The following AGBL1 variants were observed in gnomAD, a reference collection of about 807,000 sequenced individuals.
AGBL1 encodes cytosolic carboxypeptidase 4.
Under a neutral mutation model 118.9 loss-of-function variants are expected in AGBL1, and 130 were observed. That is an observed-to-expected ratio of 1.09 (90% CI 0.95 to 1.26). AGBL1 has a LOEUF of 1.26. AGBL1 is among the 50% of genes most tolerant of loss of function. AGBL1 has a pLI of 0.00. For synonymous variants in AGBL1, 555 were observed against 478.9 expected (o/e 1.16, Z -2.08); for missense variants, 1,584 against 1,298.1 (o/e 1.22, Z -3.38).
intron 22 of AGBL1, among the ~76,000 whole-genome samples, chr15:86,902,286 TA>T (rs1483899219): frequency 1.3e-5 from 2 of 152,174 alleles, no homozygotes; most frequent in African/African-American, 4.8e-5. Flanking sequence ...ATGACTATTT[TA>T]AAATTGTATT....
intron 6 of AGBL1, among the ~76,000 whole-genome samples, chr15:86,229,829 A>C (rs952983390): frequency 2.6e-5 from 4 of 152,210 alleles, no homozygotes; most frequent in African/African-American, 9.6e-5. Context: ...CTTAGTATTA[A>C]CCTTGCTGTC....
chr15:86,733,344 G>C (rs948266705), intron 22 of AGBL1, among the ~76,000 whole-genome samples: 2 of 152,076 alleles, frequency 1.3e-5, no homozygotes, highest in Non-Finnish European at 2.9e-5. Flanking sequence ...GCCCTCAACA[G>C]ATTGTATGAT....
chr15:86,209,077 A>G (rs2078046274), intron 5 of AGBL1, among the ~76,000 whole-genome samples: 1 of 152,158 alleles, frequency 6.6e-6, no homozygotes, highest in Non-Finnish European at 1.5e-5. Flanking sequence ...TTATGTACCC[A>G]GTAGTCATTC....
At chr15:86,652,982 T>G (rs1461729999) in intron 21 of AGBL1, among the ~76,000 whole-genome samples, 1 of 152,166 alleles carries the variant, frequency 6.6e-6, no homozygotes, top group Non-Finnish European at 1.5e-5. Context: ...ACAAATAATT[T>G]TATGACCCAA....
chr15:86,741,977 G>GTT (rs11327636), intron 22 of AGBL1, among the ~76,000 whole-genome samples: 5 of 144,480 alleles, frequency 3.5e-5, no homozygotes, highest in African/African-American at 7.5e-5. Flanking sequence ...ATCCACTGGA[G>GTT]TTTTTTTTTT....
At chr15:86,894,163 T>C (rs2080090196) in intron 22 of AGBL1, among the ~76,000 whole-genome samples, 2 of 152,222 alleles carry the variant, frequency 1.3e-5, no homozygotes, top group South Asian at 4.1e-4. Flanking sequence ...TTTCTCCATG[T>C]ATTTCCCACA....
intron 23 of AGBL1, among the ~76,000 whole-genome samples, chr15:86,947,839 T>C (rs1000384969): frequency 6.6e-6 from 1 of 152,222 alleles, no homozygotes; most frequent in Non-Finnish European, 1.5e-5. Flanking sequence ...TTATCTGACG[T>C]TGTTTTTTCC....
At chr15:86,211,651 A>G (rs1351251205) in intron 5 of AGBL1, among the ~76,000 whole-genome samples, 2 of 152,230 alleles carry the variant, frequency 1.3e-5, no homozygotes, top group African/African-American at 2.4e-5. Flanking sequence ...CGAGCCAGGC[A>G]TGGGATATAA....
intron 22 of AGBL1, among the ~76,000 whole-genome samples, chr15:86,897,965 GT>G (rs1404478587): frequency 6.6e-6 from 1 of 151,554 alleles, no homozygotes; most frequent in Non-Finnish European, 1.5e-5. Flanking sequence ...TACATGTGGG[GT>G]TTTGCCTTAT....
At chr15:86,298,608 C>T (rs28410257) in intron 17 of AGBL1, among the ~76,000 whole-genome samples, 9,155 of 152,016 alleles carry the variant, frequency 0.06, 343 homozygotes, top group African/African-American at 0.087. Flanking sequence ...CCAGGCCTCC[C>T]TTCAGGTGAG....
At chr15:86,854,910 C>T (rs1450457118) in intron 22 of AGBL1, among the ~76,000 whole-genome samples, 4 of 152,202 alleles carry the variant, frequency 2.6e-5, no homozygotes, top group Non-Finnish European at 4.4e-5. Flanking sequence ...CCTCGATCTC[C>T]ATCACTGCTT....
At chr15:86,586,429 A>C (rs1203301978) in intron 21 of AGBL1, among the ~76,000 whole-genome samples, 3 of 152,166 alleles carry the variant, frequency 2.0e-5, no homozygotes, top group Non-Finnish European at 4.4e-5. Context: ...GGTAGTTGCT[A>C]TTTTTATCAT....
intron 17 of AGBL1, among the ~76,000 whole-genome samples, chr15:86,379,922 G>T (rs140336463): frequency 2.0e-5 from 3 of 152,208 alleles, no homozygotes; most frequent in Non-Finnish European, 2.9e-5. Flanking sequence ...TTCATAGCAG[G>T]GTGCTTCAAA....
intron 6 of AGBL1, among the ~76,000 whole-genome samples, chr15:86,242,690 A>G (rs369696251): frequency 1.1e-4 from 16 of 152,360 alleles, no homozygotes; most frequent in African/African-American, 3.6e-4. Flanking sequence ...GCAGGCTCCT[A>G]CATTTTCTCT....
chr15:86,975,404 A>G (rs1353320186), intron 23 of AGBL1, among the ~76,000 whole-genome samples: 1 of 152,050 alleles, frequency 6.6e-6, no homozygotes, highest in African/African-American at 2.4e-5. Flanking sequence ...AGCACGAGAA[A>G]GAGAAAGACC....
chr15:86,528,359 A>G (rs1201108783), intron 19 of AGBL1, among the ~76,000 whole-genome samples: 1 of 152,210 alleles, frequency 6.6e-6, no homozygotes, highest in Non-Finnish European at 1.5e-5. Context: ...ACGCACCTGG[A>G]AAATCAGGTC....
At chr15:86,667,242 G>GTATCTATCTATCTATCTATCTATC (rs1331835283) in intron 21 of AGBL1, among the ~76,000 whole-genome samples, 16 of 112,938 alleles carry the variant, frequency 1.4e-4, no homozygotes, top group African/African-American at 4.8e-4. Flanking sequence ...ATGTATGTAT[G>GTATCTATCTATCTATCTATCTATC]TATGTATGTA....
chr15:86,783,962 G>T (rs936253328), intron 22 of AGBL1, among the ~76,000 whole-genome samples: 1 of 152,148 alleles, frequency 6.6e-6, no homozygotes, highest in Non-Finnish European at 1.5e-5. Flanking sequence ...TTAAACTGCT[G>T]GTTTAGAGGA....
intron 18 of AGBL1, among the ~76,000 whole-genome samples, chr15:86,404,045 T>A (rs1354198178): frequency 2.0e-5 from 3 of 152,138 alleles, no homozygotes; most frequent in Non-Finnish European, 2.9e-5. Context: ...TAACTTCAAA[T>A]CCTTTGTTCA....
Sources: allele counts gnomAD v4.1 joint callset (sites outside exome capture counted in the v4.1 genomes callset), GRCh38; gene constraint gnomAD v4.1.1; transcripts MANE v1.5; gene names NCBI Gene and HGNC (gene_info 2026-07-23, HGNC 2026-07-21).